Variants in KIAA1217 observed in about 807,000 individuals in gnomAD.
KIAA1217 encodes KIAA1217.
A neutral mutation model predicts 163.9 loss-of-function variants in KIAA1217; 88 were observed. The ratio of observed to expected loss-of-function variants is 0.54; its 90% CI spans 0.45 to 0.64. The LOEUF is 0.64. KIAA1217 is among the 30% of genes least tolerant of loss of function. The pLI is 0.00. For missense variants in KIAA1217, 2,372 were observed against 2,475.0 expected, an observed-to-expected ratio of 0.96 and a Z score of 0.88; for synonymous variants, 903 against 923.1, an observed-to-expected ratio of 0.98 and a Z score of 0.39.
chr10:24,207,647 T>C (rs1360842542), upstream of KIAA1217, among the ~76,000 whole-genome samples: 1 of 152,234 alleles, frequency 6.6e-6, no homozygotes, highest in Non-Finnish European at 1.5e-5. Context: ...GGCACTGCTT[T>C]AATTTTTTGA....
rs1433718220 is a variant in KIAA1217, at chr10:24,088,687, G to A, written c.-171+81313G>A. The stretch of plus-strand genomic sequence containing the variant: ...ATATGTGCCACATTTTCTTAATCCA[G>A]TCTATCATTGTTGGACATTTGGGTT... On this transcript the variant is annotated intron_variant, in intron 2 of 18. Coordinates refer to the KIAA1217 transcript ENST00000376462. Among the ~76,000 whole-genome samples the A allele has an allele frequency of 1.6e-5, 2 of 123,538 alleles. 1 individual carries two copies. The highest frequency in any genetic ancestry group is 4.0e-5 in the Non-Finnish European group (2 of 50,022). 81.0% of individuals were successfully genotyped at this position (123,538 alleles called of 152,430 possible).
intron 5 of KIAA1217, among the ~76,000 whole-genome samples, chr10:24,462,745 G>C (rs998237736): frequency 7.2e-5 from 11 of 152,102 alleles, no homozygotes; most frequent in African/African-American, 2.7e-4. Flanking sequence ...GGTGAGCACG[G>C]GGATTTAAAA....
intron 2 of KIAA1217, among the ~76,000 whole-genome samples, chr10:24,020,992 G>A (rs961693280): frequency 6.6e-6 from 1 of 151,870 alleles, no homozygotes; most frequent in Non-Finnish European, 1.5e-5. Context: ...AAAAATAGTC[G>A]TCAATGAAGC....
chr10:23,737,367 T>A (rs1410773609), intron 1 of KIAA1217, among the ~76,000 whole-genome samples: 1 of 151,460 alleles, frequency 6.6e-6, no homozygotes, highest in African/African-American at 2.4e-5. Flanking sequence ...CCTAGCTAAT[T>A]TTTTTTTAGT....
intron 2 of KIAA1217, among the ~76,000 whole-genome samples, chr10:24,267,848 A>T (rs912294032): frequency 6.6e-6 from 1 of 152,218 alleles, no homozygotes; most frequent in African/African-American, 2.4e-5. Flanking sequence ...ACACTGCTGC[A>T]TGGTTTGCCT....
intron 1 of KIAA1217, among the ~76,000 whole-genome samples, chr10:23,832,645 C>G (rs193283846): frequency 6.6e-6 from 1 of 152,230 alleles, no homozygotes; most frequent in East Asian, 1.9e-4. Context: ...CATTATTCCA[C>G]AGATTACAAG....
At chr10:24,372,115 C>T (rs2051741152) in intron 2 of KIAA1217, among the ~76,000 whole-genome samples, 1 of 152,140 alleles carries the variant, frequency 6.6e-6, no homozygotes, top group Non-Finnish European at 1.5e-5. Context: ...GTTACAAAAA[C>T]ACCGGGGGTT....
chr10:24,358,645 GTGGCATGGGTTGTCCAGTCA>G, intron 2 of KIAA1217, among the ~76,000 whole-genome samples: 1 of 152,260 alleles, frequency 6.6e-6, no homozygotes, highest in African/African-American at 2.4e-5. Flanking sequence ...TGACTGTGCT[GTGGCATGGGTTGTCCAGTCA>G]GGACAGTGGC....
At position 23,802,271 on chromosome 10, in the gene KIAA1217, AG is replaced by A. The variant is rs374356197; in HGVS notation, c.-321+107040del. Among the ~76,000 whole-genome samples the A allele has an allele frequency of 1.9e-3, 296 of 152,334 alleles. 1 individual carries two copies. The highest frequency in any genetic ancestry group is 6.8e-3 in the African/African-American group (281 of 41,576). ...CACCTCACATGCTGAGAAGTTGGCCAGGGAACATCTACGGTGTCTGTTCCAA... is the reference window on the plus strand; with the variant it reads ...CACCTCACATGCTGAGAAGTTGGCCAGGAACATCTACGGTGTCTGTTCCAA... On this transcript the variant is annotated intron_variant, in intron 1 of 18. Transcript: ENST00000376462.
At chr10:24,485,186 T>C (rs1403899680) in intron 6 of KIAA1217, among the ~76,000 whole-genome samples, 1 of 151,970 alleles carries the variant, frequency 6.6e-6, no homozygotes, top group East Asian at 1.9e-4. Flanking sequence ...CAGAAACTTA[T>C]GTAATTCCAG....
intron 6 of KIAA1217, among the ~76,000 whole-genome samples, chr10:24,489,813 A>G (rs559976210): frequency 7.3e-6 from 1 of 136,156 alleles, no homozygotes; most frequent in African/African-American, 2.7e-5. Context: ...GCAGTGAGCT[A>G]TGATCATGCC....
At chr10:24,273,337 A>G (rs190468506) in intron 2 of KIAA1217, among the ~76,000 whole-genome samples, 8 of 152,224 alleles carry the variant, frequency 5.3e-5, no homozygotes, top group African/African-American at 1.9e-4. Context: ...CCTTTTCTCT[A>G]GTCATATTCT....
chr10:23,938,999 T>C (rs1187483154), intron 1 of KIAA1217, among the ~76,000 whole-genome samples: 2 of 152,104 alleles, frequency 1.3e-5, no homozygotes, highest in Non-Finnish European at 2.9e-5. Context: ...TATAACTATA[T>C]CCCATAGAGT....
chr10:24,176,860 G>A (rs2065916579), intron 2 of KIAA1217, among the ~76,000 whole-genome samples: 1 of 151,892 alleles, frequency 6.6e-6, no homozygotes, highest in Non-Finnish European at 1.5e-5. Context: ...CAGGTCCCGA[G>A]CCCTGCCCCA....
intron 3 of KIAA1217, among the ~76,000 whole-genome samples, chr10:24,400,807 C>T (rs1412183673): frequency 6.6e-6 from 1 of 151,744 alleles, no homozygotes; most frequent in Admixed American, 6.6e-5. Flanking sequence ...GCAACCAGGG[C>T]CACCTATGTC....
At chr10:23,837,379 G>A (rs910557182) in intron 1 of KIAA1217, among the ~76,000 whole-genome samples, 1 of 152,112 alleles carries the variant, frequency 6.6e-6, no homozygotes, top group East Asian at 1.9e-4. Context: ...TGACTTCAAT[G>A]TCCAGAGAAA....
intron 1 of KIAA1217, among the ~76,000 whole-genome samples, chr10:23,707,517 A>G (rs1430101955): frequency 6.6e-6 from 1 of 152,214 alleles, no homozygotes; most frequent in Non-Finnish European, 1.5e-5. Flanking sequence ...TACTACACTT[A>G]TAAGTGGGAG....
intron 2 of KIAA1217, among the ~76,000 whole-genome samples, chr10:24,378,541 A>G (rs1185108590): frequency 2.0e-5 from 3 of 152,072 alleles, no homozygotes; most frequent in Non-Finnish European, 4.4e-5. Flanking sequence ...TTTTGCCCCC[A>G]TATAGACCTT....
At chr10:23,702,373 A>G (rs943445709) in intron 1 of KIAA1217, among the ~76,000 whole-genome samples, 1 of 152,128 alleles carries the variant, frequency 6.6e-6, no homozygotes, top group African/African-American at 2.4e-5. Flanking sequence ...TCATAAACAC[A>G]TTTTATTCTG....
Sources: allele counts gnomAD v4.1 joint callset (sites outside exome capture counted in the v4.1 genomes callset), GRCh38; gene constraint gnomAD v4.1.1; transcripts MANE v1.5; gene names NCBI Gene and HGNC (gene_info 2026-07-23, HGNC 2026-07-21).